Variants in RRP1 observed in about 807,000 individuals in gnomAD.
The protein encoded by RRP1 is ribosomal RNA processing protein 1 homolog A.
Under a neutral mutation model 54.6 loss-of-function variants are expected in RRP1, and 37 were observed. The observed-to-expected ratio is 0.68, with a 90% CI of 0.52 to 0.89. The LOEUF (loss-of-function observed/expected upper bound fraction) is 0.89, where lower values mean the gene tolerates loss of function less well. RRP1 is among the 40% of genes least tolerant of loss of function. The pLI, the probability that RRP1 is intolerant of heterozygous loss-of-function variation, is 0.00. For synonymous variants in RRP1, 262 were observed against 244.3 expected (o/e 1.07, Z -0.67); for missense variants, 639 against 612.5 (o/e 1.04, Z -0.46).
intron 1 of RRP1, 109 bp downstream of exon 1, chr21:43,789,871 G>A: frequency 2.3e-6 from 3 of 1,304,824 alleles, no homozygotes; most frequent in Non-Finnish European, 3.0e-6. Context: ...GAACCTCCAC[G>A]TGGCCGGGCC....
At chr21:43,796,667 C>T (rs1458304496) in intron 5 of RRP1, among the ~76,000 whole-genome samples, 2 of 152,194 alleles carry the variant, frequency 1.3e-5, no homozygotes, top group Non-Finnish European at 2.9e-5. Context: ...TCTCGTTTTT[C>T]CTGAGCCTTA....
intron 1 of RRP1, chr21:43,791,128 G>A (rs1442718456): frequency 6.4e-6 from 4 of 626,184 alleles, no homozygotes; most frequent in Non-Finnish European, 1.2e-5. Context: ...GTTTTACTGT[G>A]TGCGTGAAGT....
chr21:43,789,892 G>A, intron 1 of RRP1, 130 bp downstream of exon 1: 1 of 1,170,406 alleles, frequency 8.5e-7, no homozygotes, highest in Non-Finnish European at 1.1e-6. Flanking sequence ...GGGCAGGCGG[G>A]GTCCACTGGC....
Position 43,790,789 on chromosome 21 carries a change from A to G in RRP1, c.134-561A>G, listed in dbSNP as rs114657670. On this transcript the variant is annotated intron_variant, in intron 1 of 12. Transcript: ENST00000497547. ...TTTTTGTACAAATTGGGGTCTTCCT[A>G]TGTTGCCCAGACTGGTCTTGAACTC... is the stretch of plus-strand genomic sequence containing the variant. 4.2e-3 allele frequency: 1,319 copies of G among 312,700 alleles called. 20 individuals carry two copies. The highest frequency in any genetic ancestry group is 0.027 in the African/African-American group (1,221 of 45,474). The allele number at this position is 312,700 out of a possible 1,614,324, so 19.4% of individuals were successfully genotyped here. A position where few individuals can be genotyped will look rare whatever the true frequency, so the allele number is the denominator to read the frequency against.
At chr21:43,792,564 C>G in intron 2 of RRP1, 108 bp from the exon 3 acceptor site, 1 of 1,109,770 alleles carries the variant, frequency 9.0e-7, no homozygotes, top group Non-Finnish European at 1.4e-6. Context: ...GAAGCCGACT[C>G]TCTGTGATGA....
chr21:43,801,008 T>G (rs960337576), intron 11 of RRP1, 127 bp downstream of exon 11: 1 of 1,054,828 alleles, frequency 9.5e-7, no homozygotes. Context: ...TGGTGGTGTT[T>G]CTGAGGGACA....
intron 11 of RRP1, among the ~76,000 whole-genome samples, chr21:43,801,638 ATTG>A (rs1294622948): frequency 2.0e-5 from 3 of 152,090 alleles, no homozygotes; most frequent in African/African-American, 7.2e-5. Flanking sequence ...ACGCCGGCTA[ATTG>A]TTGTATTTTT....
At chr21:43,793,473 G>A (rs1359786259) in intron 4 of RRP1, 69 bp downstream of exon 4, 1 of 1,377,418 alleles carries the variant, frequency 7.3e-7, no homozygotes, top group East Asian at 2.3e-5. Context: ...AAGCGAGACA[G>A]GCGGCACCTG....
chr21:43,795,359 AT>A, intron 5 of RRP1, 109 bp downstream of exon 5: 1 of 1,010,494 alleles, frequency 9.9e-7, no homozygotes, highest in East Asian at 2.4e-5. Flanking sequence ...ATATTAACGC[AT>A]GCCCCCAATC....
At chr21:43,798,159 G>T in intron 8 of RRP1, 59 bp downstream of exon 8, 3 of 1,459,718 alleles carry the variant, frequency 2.1e-6, no homozygotes, top group East Asian at 4.9e-5. Context: ...GAGCCAGTGC[G>T]ATCTCCTGCT....
chr21:43,798,169 TGGGTTGCTCCTGCC>T (rs1376947845), intron 8 of RRP1, 69 bp downstream of exon 8: 2 of 1,408,548 alleles, frequency 1.4e-6, no homozygotes, highest in Non-Finnish European at 1.9e-6. Context: ...GATCTCCTGC[TGGGTTGCTCCTGCC>T]ACCTCCTACC....
At chr21:43,792,226 A>G (rs1205266240) in intron 2 of RRP1, among the ~76,000 whole-genome samples, 1 of 152,302 alleles carries the variant, frequency 6.6e-6, no homozygotes, top group East Asian at 1.9e-4. Flanking sequence ...TCCCTTAGCA[A>G]GTATTCTGGG....
intron 12 of RRP1, 36 bp downstream of exon 12, chr21:43,802,423 GTCC>G (rs2085104211): frequency 6.5e-7 from 1 of 1,546,640 alleles, no homozygotes; most frequent in Non-Finnish European, 8.9e-7. Context: ...TGGAGCCGGC[GTCC>G]TCACCTGCTT....
chr21:43,803,842 C>G lies in RRP1; in HGVS notation c.*68C>G, dbSNP rs534202684. The G allele has an allele frequency of 2.0e-6, 3 of 1,473,396 alleles. No individual in the cohort carries two copies. The highest frequency in any genetic ancestry group is 2.7e-6 in the Non-Finnish European group (3 of 1,105,120). The allele number at this position is 1,473,396 out of a possible 1,614,324, so 91.3% of individuals were successfully genotyped here. On this transcript the variant is annotated 3_prime_UTR_variant, in exon 13 of 13. Transcript: ENST00000497547. ...GCTTGCACCGCGGGACGAGGCTGAC[C>G]GGGCTGTTCTGTAGACTCAGGACCG...
chr21:43,795,259 G>A lies in RRP1; in HGVS notation c.422+9G>A, dbSNP rs764982558. On this transcript the variant is annotated intron_variant, in intron 5 of 12. Coordinates refer to ENST00000497547, the MANE Select transcript of RRP1 (RefSeq NM_003683.6). ...CAAGGCTGGGAAGAAAGGTGGGTGC[G>A]CGGCGGGCCTGCTCTGGGGGGACGC... is the stretch of plus-strand genomic sequence containing the variant. 37 of 1,613,786 alleles carry A rather than the reference G, an allele frequency of 2.3e-5. No homozygotes were observed. The highest frequency in any genetic ancestry group is 1.6e-4 in the Middle Eastern group (1 of 6,084).
At chr21:43,795,105 C>A in intron 4 of RRP1, 84 bp from the exon 5 acceptor site, 2 of 1,280,848 alleles carry the variant, frequency 1.6e-6, no homozygotes, top group Non-Finnish European at 2.3e-6. Flanking sequence ...CTTTATCCTG[C>A]AGCGGATGGT....
In RRP1 at chr21:43,803,852, T is replaced by A. The variant is rs1171367980; in HGVS notation, c.*78T>A. 2.1e-6 allele frequency: 3 copies of A among 1,454,106 alleles called. No homozygotes were observed. Among genetic ancestry groups the A allele is most frequent in the Non-Finnish European group, 2.7e-6 (3 of 1,094,286 alleles). The allele number at this position is 1,454,106 out of a possible 1,614,324, so 90.1% of individuals were successfully genotyped here. On this transcript the variant is annotated 3_prime_UTR_variant, in exon 13 of 13. Coordinates refer to ENST00000497547, the MANE Select transcript of RRP1 (RefSeq NM_003683.6). ...CGGGACGAGGCTGACCGGGCTGTTC[T>A]GTAGACTCAGGACCGTGGCTCCAGA... is the stretch of plus-strand genomic sequence containing the variant.
intron 12 of RRP1, 88 bp downstream of exon 12, chr21:43,802,475 C>T: frequency 9.6e-7 from 1 of 1,038,776 alleles, no homozygotes. Context: ...AGTGTCTCCC[C>T]CTGAAGCATG....
chr21:43,803,254 C>T (rs780051917), intron 12 of RRP1, among the ~76,000 whole-genome samples: 2 of 152,250 alleles, frequency 1.3e-5, no homozygotes, highest in African/African-American at 4.8e-5. Context: ...CCAGTCCTGC[C>T]TACTCCTCTG....
Sources: gnomAD v4.1 joint callset for allele counts (sites outside exome capture counted in the v4.1 genomes callset) on GRCh38, gnomAD v4.1.1 for gene constraint, MANE v1.5 for transcripts, NCBI Gene and HGNC (gene_info 2026-07-23, HGNC 2026-07-21) for gene names.